Variants in COL3A1 observed in about 807,000 individuals in gnomAD.
The protein encoded by COL3A1 is collagen type III alpha 1 chain, also known as collagen alpha-1(III) chain.
Under a neutral mutation model 200.9 loss-of-function variants are expected in COL3A1, and 46 were observed. The observed-to-expected ratio is 0.23, with a 90% confidence interval of 0.18 to 0.29. COL3A1 has a LOEUF of 0.29. Among genes scored for constraint, COL3A1 ranks in the 10% least tolerant of loss-of-function variants. The pLI is 1.00. For synonymous variants in COL3A1, 650 were observed against 628.0 expected, an observed-to-expected ratio of 1.03 and a Z score of -0.52; for missense variants, 1,367 against 1,917.6, an observed-to-expected ratio of 0.71 and a Z score of 5.36.
At position 189,004,481 on chromosome 2, in the gene COL3A1, A is replaced by ATT. The variant is rs532504977; in HGVS notation, c.2931+125_2931+126dup. 3.2e-5 allele frequency: 29 copies of ATT among 905,362 alleles called. No homozygotes were observed. In the African/African-American group the frequency reaches 4.8e-4, roughly 15 times the overall value. 56.1% of individuals were successfully genotyped at this position (905,362 alleles called of 1,614,324 possible). ...ACTGGAGTAAATTAGCCAGGAGATA[A>ATT]TTTTTTTTTATTTTTAGATTTTTAA... On this transcript the variant is annotated intron_variant, in intron 40 of 50. Transcript: ENST00000304636.
rs191372414 is a variant in COL3A1, at chr2:188,996,547, A to G, written c.1761+51A>G. On this transcript the variant is annotated intron_variant, in intron 24 of 50. Coordinates refer to ENST00000304636, the MANE Select transcript of COL3A1 (RefSeq NM_000090.4). Reference sequence around the variant, plus strand: ...ATAAATATTTGACTGGAAGGCTTTTATTTTCCATATGGAGTAAAGAAATGG... The same window carrying G: ...ATAAATATTTGACTGGAAGGCTTTTGTTTTCCATATGGAGTAAAGAAATGG... 35 of 1,454,864 alleles carry G rather than the reference A, an allele frequency of 2.4e-5. No individual in the cohort carries two copies. In the Admixed American group the frequency reaches 5.8e-4, roughly 24 times the overall value. 90.1% of individuals were successfully genotyped at this position (1,454,864 alleles called of 1,614,324 possible). A position where few individuals can be genotyped will look rare whatever the true frequency, so the allele number is the denominator to read the frequency against.
intron 1 of COL3A1, among the ~76,000 whole-genome samples, chr2:188,984,475 A>G (rs1331561455): frequency 1.3e-5 from 2 of 152,068 alleles, no homozygotes; most frequent in Non-Finnish European, 2.9e-5. Flanking sequence ...TGTGATATAC[A>G]TTGATGTTAA....
chr2:188,990,039 G>C, intron 8 of COL3A1, 57 bp from the exon 9 acceptor site: 1 of 1,508,508 alleles, frequency 6.6e-7, no homozygotes, highest in Non-Finnish European at 9.2e-7. Context: ...TTGCTTATTG[G>C]CTACAATGTA....
At chr2:188,984,734 T>C in intron 1 of COL3A1, 26 bp from the exon 2 acceptor site, 1 of 1,609,498 alleles carries the variant, frequency 6.2e-7, no homozygotes, top group Non-Finnish European at 8.5e-7. Flanking sequence ...CTAAGGAAAC[T>C]TCACGTCATC....
chr2:188,987,127 T>C lies in COL3A1; in HGVS notation c.516T>C (p.Tyr172=). 6.2e-7 allele frequency: 1 copy of C among 1,612,330 alleles called. No individual in the cohort carries two copies. The highest frequency in any genetic ancestry group is 8.5e-7 in the Non-Finnish European group (1 of 1,178,654). ...SGVAVGGLAG[Y]PGPAGPPGPP... ...TAGCAGTAGGAGGACTCGCAGGCTA[T>C]CCTGGACCAGCTGTACGTACAAATG... Residue 172 remains tyrosine (Y), a synonymous_variant, in exon 5 of 51, where the codon TAT becomes TAC. Transcript: ENST00000304636.
chr2:188,995,504 G>C, intron 21 of COL3A1, 188 bp from the exon 22 acceptor site: 2 of 577,410 alleles, frequency 3.5e-6, no homozygotes, highest in East Asian at 2.9e-5. Flanking sequence ...TGTTCACAAA[G>C]TTGCTTTAAA....
chr2:188,994,629 G>GA lies in COL3A1; in HGVS notation c.1347+41dup, dbSNP rs752567084. 4 of 1,613,200 alleles carry GA rather than the reference G, an allele frequency of 2.5e-6. No homozygotes were observed. Among genetic ancestry groups the GA allele is most frequent in the South Asian group, 2.2e-5 (2 of 91,062 alleles). ...ACTGCAACAGATCTGGTTATTTCTT[G>GA]AAAAAATGCAACATAATTAGAAAGT... On this transcript the variant is annotated intron_variant, in intron 19 of 50. Coordinates refer to ENST00000304636, the MANE Select transcript of COL3A1 (RefSeq NM_000090.4). This position sits in a 1 kb window ranked among gnomAD's most constrained non-coding sequence, Gnocchi z 4.5.
Position 189,001,268 on chromosome 2 carries a change from G to A in COL3A1, c.2284-129G>A, listed in dbSNP as rs1259134622. On this transcript the variant is annotated intron_variant, in intron 32 of 50. Coordinates refer to ENST00000304636, the MANE Select transcript of COL3A1 (RefSeq NM_000090.4). ...ATTGAGAGAAAAGCATAGCATTCAA[G>A]CCATAAAAATTTTTAAAAAGTATGT... 41 of 815,652 alleles carry A rather than the reference G, an allele frequency of 5.0e-5. No homozygotes were observed. The South Asian group carries it at 5.8e-4, about 11-fold the overall frequency. The allele number at this position is 815,652 out of a possible 1,614,324, so 50.5% of individuals were successfully genotyped here.
At chr2:189,003,147 C>G (rs550498905) in intron 36 of COL3A1, 85 bp downstream of exon 36, 1 of 1,114,226 alleles carries the variant, frequency 9.0e-7, no homozygotes, top group East Asian at 2.6e-5. Context: ...CTCTCTCTCC[C>G]TCTCCCCCCT....
intron 34 of COL3A1, 41 bp from the exon 35 acceptor site, chr2:189,002,257 G>A (rs1171135742): frequency 4.6e-6 from 7 of 1,520,240 alleles, no homozygotes; most frequent in South Asian, 2.2e-5. Context: ...AGGAGATGAC[G>A]CACACTTCAC....
Position 188,984,859 on chromosome 2 carries a change from T to C in COL3A1, c.179T>C (p.Val60Ala). The change falls in exon 2 of 51, where the codon GTT becomes GCT. Residue 60 changes from valine (V) to alanine (A), a missense_variant. Transcript: ENST00000304636. ...ATATGTGTCTGTGACTCAGGATCCG[T>C]TCTCTGCGATGACATAATATGTGAC... is the stretch of plus-strand genomic sequence containing the variant. ...CQICVCDSGSVLCDDIICDDQ... is the reference protein window; with the variant it reads ...CQICVCDSGSALCDDIICDDQ... The C allele has an allele frequency of 6.2e-7, 1 of 1,613,208 alleles. No individual in the cohort carries two copies. Among genetic ancestry groups the C allele is most frequent in the Non-Finnish European group, 8.5e-7 (1 of 1,179,410 alleles).
At position 188,994,266 on chromosome 2, in the gene COL3A1, G is replaced by T. The variant is rs1203368290; in HGVS notation, c.1227G>T (p.Leu409=). 6.2e-7 allele frequency: 1 copy of T among 1,614,056 alleles called. No individual in the cohort carries two copies. Residue 409 remains leucine, a synonymous_variant, in exon 18 of 51, where the codon CTG becomes CTT. Coordinates refer to ENST00000304636, the MANE Select transcript of COL3A1 (RefSeq NM_000090.4). The surrounding 1 kb of genome is among the most constrained non-coding windows in gnomAD (Gnocchi z 4.5). The stretch of plus-strand genomic sequence containing the variant: ...CTGGCATTCCTGGAGCTCCTGGACT[G>T]ATGGGAGCCCGGGGTCCTCCAGGAC... ...GPAGIPGAPG[L]MGARGPPGPA...
At chr2:188,987,723 T>C (rs544465847) in intron 5 of COL3A1, among the ~76,000 whole-genome samples, 25 of 152,268 alleles carry the variant, frequency 1.6e-4, no homozygotes, top group Admixed American at 1.0e-3. Context: ...TGCACTGAGT[T>C]TGGCTGCCAA....
chr2:188,994,178 T>C lies in COL3A1; in HGVS notation c.1195-56T>C, dbSNP rs1688247184. 2 of 1,610,702 alleles carry C rather than the reference T, an allele frequency of 1.2e-6. No homozygotes were observed. Among genetic ancestry groups the C allele is most frequent in the Admixed American group, 3.3e-5 (2 of 59,996 alleles). On this transcript the variant is annotated intron_variant, in intron 17 of 50. Transcript: ENST00000304636. The surrounding 1 kb of genome is among the most constrained non-coding windows in gnomAD (Gnocchi z 4.5). ...ATAGATTTGTGATATTTAAGTGAGATATTCATAAAAGAACATTCAAGTTCG... is the reference window on the plus strand; with the variant it reads ...ATAGATTTGTGATATTTAAGTGAGACATTCATAAAAGAACATTCAAGTTCG...
At chr2:189,001,277 ATTTTTAAAAAG>A in intron 32 of COL3A1, 109 bp from the exon 33 acceptor site, 1 of 953,602 alleles carries the variant, frequency 1.0e-6, no homozygotes, top group Admixed American at 2.1e-5. Flanking sequence ...AGCCATAAAA[ATTTTTAAAAAG>A]TATGTTATCT....
intron 40 of COL3A1, among the ~76,000 whole-genome samples, chr2:189,004,738 A>T (rs1377709468): frequency 6.6e-6 from 1 of 152,152 alleles, no homozygotes; most frequent in East Asian, 1.9e-4. Context: ...TTATCCATCC[A>T]TTCAAGTCAT....
At chr2:188,976,359 T>G (rs1448901822) in intron 1 of COL3A1, among the ~76,000 whole-genome samples, 1 of 152,078 alleles carries the variant, frequency 6.6e-6, no homozygotes, top group East Asian at 1.9e-4. Flanking sequence ...TCTCTTTAGA[T>G]GCAAAAAATA....
intron 8 of COL3A1, 41 bp from the exon 9 acceptor site, chr2:188,990,055 T>C: frequency 6.3e-7 from 1 of 1,581,224 alleles, no homozygotes; most frequent in Non-Finnish European, 8.7e-7. Flanking sequence ...ATGTATTTTC[T>C]CATACATGAG....
chr2:188,987,468 G>A (rs1470349947), intron 5 of COL3A1, among the ~76,000 whole-genome samples: 1 of 151,908 alleles, frequency 6.6e-6, no homozygotes, highest in Non-Finnish European at 1.5e-5. Flanking sequence ...TTTAGAAACA[G>A]CATGTTACAA....
Sources: allele counts gnomAD v4.1 joint callset (sites outside exome capture counted in the v4.1 genomes callset), GRCh38; gene constraint gnomAD v4.1.1; non-coding constraint Gnocchi (gnomAD v3.1); transcripts MANE v1.5; gene names NCBI Gene and HGNC (gene_info 2026-07-23, HGNC 2026-07-21).